Variants in CENPP observed in about 807,000 individuals in gnomAD.
CENPP encodes centromere protein P.
CENPP carries 24 observed loss-of-function variants against 35.6 expected under a neutral mutation model. That is an observed-to-expected ratio of 0.67 (90% confidence interval 0.49 to 0.95). CENPP has a LOEUF of 0.95. Ranked by LOEUF, CENPP falls within the 40% of genes least tolerant of loss-of-function variation. CENPP has a pLI of 0.00. For synonymous variants in CENPP, 120 were observed against 125.5 expected (o/e 0.96, Z 0.29); for missense variants, 332 against 345.3 (o/e 0.96, Z 0.31).
In CENPP at chr9:92,612,519, T is replaced by G; in HGVS notation, c.645-4T>G. The stretch of plus-strand genomic sequence containing the variant: ...CATAACGACATGTTTTACTGCTTTT[T>G]CAGGTTTGAATTAGTCATTGTTTGG... On this transcript the variant is annotated splice_region_variant and splice_polypyrimidine_tract_variant and intron_variant, in intron 6 of 7. Transcript: ENST00000375587. The G allele has an allele frequency of 1.2e-6, 2 of 1,611,096 alleles. No homozygotes were observed. Among genetic ancestry groups the G allele is most frequent in the Non-Finnish European group, 1.7e-6 (2 of 1,177,234 alleles).
intron 5 of CENPP, among the ~76,000 whole-genome samples, chr9:92,463,804 C>T (rs1486650204): frequency 6.6e-6 from 1 of 152,146 alleles, no homozygotes; most frequent in Admixed American, 6.5e-5. Context: ...TAAAGCTACA[C>T]TGAGGTGTTT....
chr9:92,474,958 G>T, intron 5 of CENPP: 3 of 1,501,164 alleles, frequency 2.0e-6, no homozygotes, highest in Non-Finnish European at 2.7e-6. Flanking sequence ...AAATTTAAAT[G>T]GATATAATTC....
In CENPP at chr9:92,545,083, G is replaced by GGCAGCCCTC. The variant is rs984498980; in HGVS notation, c.565-66219_565-66211dup. On this transcript the variant is annotated intron_variant, in intron 5 of 7. Transcript: ENST00000375587. ...AAATCTTAAGAGGTGACAGCCTGCT[G>GGCAGCCCTC]GCAGCCCTCGCAGCCCTCGCTCGCT... 7.2e-5 allele frequency among the ~76,000 whole-genome samples: 11 copies of GGCAGCCCTC among 152,308 alleles called. No individual in the cohort carries two copies. The South Asian group carries it at 1.9e-3, about 26-fold the overall frequency.
intron 5 of CENPP, among the ~76,000 whole-genome samples, chr9:92,521,162 G>A (rs964701311): frequency 3.3e-5 from 5 of 152,022 alleles, no homozygotes; most frequent in Admixed American, 6.6e-5. Context: ...AAATATTTTC[G>A]GACAACTTGG....
chr9:92,365,781 ATTTC>A (rs1414218326), intron 4 of CENPP, among the ~76,000 whole-genome samples: 1 of 151,144 alleles, frequency 6.6e-6, no homozygotes, highest in Non-Finnish European at 1.5e-5. Flanking sequence ...TATGTATTTC[ATTTC>A]TTTCTTTTTT....
At chr9:92,561,659 T>C (rs1467503232) in intron 5 of CENPP, among the ~76,000 whole-genome samples, 6 of 152,246 alleles carry the variant, frequency 3.9e-5, no homozygotes. Flanking sequence ...CTTATGTTAT[T>C]CAGCATTGGA....
At chr9:92,392,770 A>G (rs1420087508) in intron 5 of CENPP, among the ~76,000 whole-genome samples, 3 of 152,204 alleles carry the variant, frequency 2.0e-5, no homozygotes, top group Admixed American at 6.5e-5. Context: ...GAAGCATCCC[A>G]GTTATATTGG....
intron 6 of CENPP, 101 bp downstream of exon 6, chr9:92,611,494 C>A: frequency 2.2e-6 from 2 of 896,656 alleles, no homozygotes; most frequent in Non-Finnish European, 3.4e-6. Context: ...ACTACCTAAC[C>A]AAGAACTAAA....
intron 5 of CENPP, chr9:92,474,552 G>T: frequency 6.5e-7 from 1 of 1,527,870 alleles, no homozygotes; most frequent in Non-Finnish European, 8.7e-7. Context: ...ATTTCAATGA[G>T]ACTTTTTCCA....
chr9:92,415,692 T>A (rs1843571045), intron 5 of CENPP, among the ~76,000 whole-genome samples: 1 of 150,122 alleles, frequency 6.7e-6, no homozygotes, highest in Non-Finnish European at 1.5e-5. Context: ...CTTCATTGGC[T>A]TTTCTGATTA....
chr9:92,340,281 T>G (rs1207740456), intron 3 of CENPP: 2 of 152,214 alleles, frequency 1.3e-5, no homozygotes, highest in Non-Finnish European at 2.9e-5. Context: ...TGAATGAGCT[T>G]CTTAGTGGAG....
chr9:92,573,637 G>A (rs1850206164), intron 5 of CENPP, among the ~76,000 whole-genome samples: 1 of 152,192 alleles, frequency 6.6e-6, no homozygotes, highest in Non-Finnish European at 1.5e-5. Flanking sequence ...TGTCAGACAG[G>A]GATGTTTAAG....
intron 5 of CENPP, among the ~76,000 whole-genome samples, chr9:92,578,162 G>A (rs997767106): frequency 3.3e-5 from 5 of 152,024 alleles, no homozygotes; most frequent in African/African-American, 9.7e-5. Flanking sequence ...GTATTCCATG[G>A]TGTATATGTG....
At chr9:92,421,613 A>T (rs992451414) in intron 5 of CENPP, among the ~76,000 whole-genome samples, 3 of 152,234 alleles carry the variant, frequency 2.0e-5, no homozygotes, top group African/African-American at 7.2e-5. Flanking sequence ...TACTGTATGT[A>T]AACATGCTTA....
intron 5 of CENPP, among the ~76,000 whole-genome samples, chr9:92,397,902 T>C (rs1842955934): frequency 6.6e-6 from 1 of 152,220 alleles, no homozygotes; most frequent in African/African-American, 2.4e-5. Flanking sequence ...AACATTTCTA[T>C]ATTTCTGTAT....
chr9:92,372,246 G>C (rs1276223214), intron 4 of CENPP, among the ~76,000 whole-genome samples: 1 of 148,876 alleles, frequency 6.7e-6, no homozygotes, highest in East Asian at 2.0e-4. Context: ...GTCTATATTT[G>C]TCTTTAGTGT....
At chr9:92,411,186 A>T (rs1034623851) in intron 5 of CENPP, among the ~76,000 whole-genome samples, 1 of 151,966 alleles carries the variant, frequency 6.6e-6, no homozygotes, top group African/African-American at 2.4e-5. Flanking sequence ...GTTAGCCAGG[A>T]TGGTCTCAGT....
At chr9:92,508,811 T>C (rs1847163691) in intron 5 of CENPP, among the ~76,000 whole-genome samples, 1 of 152,138 alleles carries the variant, frequency 6.6e-6, no homozygotes, top group Admixed American at 6.6e-5. Context: ...CAGGAAATAA[T>C]TGAATTGTTT....
chr9:92,457,365 AT>A, intron 5 of CENPP: 1 of 1,613,892 alleles, frequency 6.2e-7, no homozygotes, highest in Non-Finnish European at 8.5e-7. Context: ...ATTTCCCAGT[AT>A]TTCACCGGGT....
Sources: allele counts gnomAD v4.1 joint callset (sites outside exome capture counted in the v4.1 genomes callset), GRCh38; gene constraint gnomAD v4.1.1; transcripts MANE v1.5; gene names NCBI Gene and HGNC (gene_info 2026-07-23, HGNC 2026-07-21).